The following GATAD2A variants were observed in gnomAD, a reference collection of about 807,000 sequenced individuals.
The protein encoded by GATAD2A is transcriptional repressor p66-alpha.
GATAD2A carries 12 observed loss-of-function variants against 68.5 expected under a neutral mutation model. The ratio of observed to expected loss-of-function variants is 0.18; its 90% confidence interval spans 0.11 to 0.28. GATAD2A has a LOEUF of 0.28. GATAD2A is among the 10% of genes least tolerant of loss of function. The pLI is 1.00. For synonymous variants in GATAD2A, 410 were observed against 375.3 expected (o/e 1.09, Z -1.07); for missense variants, 755 against 868.5 (o/e 0.87, Z 1.64).
intron 7 of GATAD2A, 145 bp from the exon 8 acceptor site, chr19:19,498,295 TATC>T (rs1197553894): frequency 2.9e-6 from 2 of 688,974 alleles, no homozygotes; most frequent in Non-Finnish European, 4.8e-6. Context: ...GAGAGCCTGT[TATC>T]ATGGCTGGGT....
rs564820742 is a variant in GATAD2A at position 19,495,707 on chromosome 19, T to TG, written c.625-40dup. On this transcript the variant is annotated intron_variant, in intron 5 of 11. Transcript: ENST00000683918. ...AAAACTGCTTGCTTTAAAAAAAGTG[T>TG]GGGGGGGTCCGGTCCATGTAAATCT... 539 of 1,527,290 alleles carry TG rather than the reference T, an allele frequency of 3.5e-4. 2 individuals carry two copies. The highest frequency in any genetic ancestry group is 1.0e-3 in the South Asian group (84 of 81,226). 94.6% of individuals were successfully genotyped at this position (1,527,290 alleles called of 1,614,324 possible).
chr19:19,473,183 C>T (rs912359194), intron 2 of GATAD2A, among the ~76,000 whole-genome samples: 1 of 152,186 alleles, frequency 6.6e-6, no homozygotes, highest in African/African-American at 2.4e-5. Context: ...TCTTCCCCAC[C>T]TCCCCTTGTA....
intron 1 of GATAD2A, among the ~76,000 whole-genome samples, chr19:19,421,361 C>T (rs1184284792): frequency 6.6e-6 from 1 of 152,100 alleles, no homozygotes; most frequent in Admixed American, 6.5e-5. Flanking sequence ...GGCCCTGCCC[C>T]TCCTCACCCC....
chr19:19,472,236 T>A (rs560765760), intron 2 of GATAD2A, among the ~76,000 whole-genome samples: 6 of 152,272 alleles, frequency 3.9e-5, no homozygotes, highest in Admixed American at 6.5e-5. Flanking sequence ...GCAGATCCAG[T>A]CCTGCACTTT....
At position 19,389,851 on chromosome 19, in the gene GATAD2A, C is replaced by T. The variant is rs113749318; in HGVS notation, c.-7+3713C>T. ...GATCTCGGCTCACTGCAACCTCTGC[C>T]CTACTGGCTCACGTGATCCTCCCAC... is the stretch of plus-strand genomic sequence containing the variant. On this transcript the variant is annotated intron_variant, in intron 1 of 11. Coordinates refer to the GATAD2A transcript ENST00000360315. 7.5e-3 allele frequency among the ~76,000 whole-genome samples: 1,142 copies of T among 152,208 alleles called. 16 individuals carry two copies. Among genetic ancestry groups the T allele is most frequent in the African/African-American group, 0.025 (1,052 of 41,520 alleles).
At chr19:19,440,221 G>A (rs925584360) in intron 1 of GATAD2A, 4 of 298,436 alleles carry the variant, frequency 1.3e-5, no homozygotes, top group African/African-American at 7.0e-5. Flanking sequence ...TCTAAGGAAA[G>A]GTGGGGGGAT....
At chr19:19,445,731 A>G (rs943471120) in intron 1 of GATAD2A, among the ~76,000 whole-genome samples, 2 of 152,202 alleles carry the variant, frequency 1.3e-5, no homozygotes, top group African/African-American at 2.4e-5. Context: ...AAGTTCAGTC[A>G]CATTGTGTCA....
Position 19,506,054 on chromosome 19 carries a change from A to C in GATAD2A, c.*580A>C. On this transcript the variant is annotated 3_prime_UTR_variant, in exon 12 of 12. Coordinates refer to ENST00000683918, the MANE Select transcript of GATAD2A (RefSeq NM_001384528.1). Reference sequence around the variant, plus strand: ...CCCTGGGGTCCCTGTTGTACGCTGCATCATCCCGCTGGCCCTGTGCCCTGG... The same window carrying C: ...CCCTGGGGTCCCTGTTGTACGCTGCCTCATCCCGCTGGCCCTGTGCCCTGG... 3 of 398,710 alleles carry C rather than the reference A, an allele frequency of 7.5e-6. No individual in the cohort carries two copies. The highest frequency in any genetic ancestry group is 1.3e-5 in the Non-Finnish European group (3 of 226,018). 24.7% of individuals were successfully genotyped at this position (398,710 alleles called of 1,614,324 possible).
At chr19:19,391,516 T>C (rs2048843950) in intron 1 of GATAD2A, among the ~76,000 whole-genome samples, 1 of 152,180 alleles carries the variant, frequency 6.6e-6, no homozygotes, top group Admixed American at 6.5e-5. Flanking sequence ...GTAAACAACT[T>C]TAAAGGGATC....
chr19:19,451,202 CT>C (rs1204382017), intron 1 of GATAD2A, among the ~76,000 whole-genome samples: 3 of 151,462 alleles, frequency 2.0e-5, no homozygotes, highest in African/African-American at 7.3e-5. Flanking sequence ...GTGAAACCCC[CT>C]CTCTAGTAAA....
intron 1 of GATAD2A, among the ~76,000 whole-genome samples, chr19:19,460,081 A>G (rs144123609): frequency 4.2e-4 from 64 of 152,316 alleles, no homozygotes; most frequent in African/African-American, 1.3e-3. Flanking sequence ...GGCTCTGCCA[A>G]TGCCAAAACT....
chr19:19,477,107 A>AG (rs2058724360), intron 2 of GATAD2A, among the ~76,000 whole-genome samples: 1 of 152,190 alleles, frequency 6.6e-6, no homozygotes, highest in Non-Finnish European at 1.5e-5. Context: ...AGAGGAAGGC[A>AG]GGGTAACGCC....
intron 2 of GATAD2A, among the ~76,000 whole-genome samples, chr19:19,490,938 T>C (rs578206817): frequency 6.0e-4 from 91 of 152,282 alleles, no homozygotes; most frequent in African/African-American, 2.0e-3. Flanking sequence ...CAGTTTGCCT[T>C]GTGCCGTCAG....
At chr19:19,421,003 C>T (rs941149173) in intron 1 of GATAD2A, among the ~76,000 whole-genome samples, 11 of 152,280 alleles carry the variant, frequency 7.2e-5, no homozygotes, top group East Asian at 1.9e-4. Context: ...TTCAGAAGTG[C>T]GCTTTTCTCT....
At position 19,459,883 on chromosome 19, in the gene GATAD2A, T is replaced by A. The variant is rs150605930; in HGVS notation, c.-6-5457T>A. Among the ~76,000 whole-genome samples the A allele has an allele frequency of 1.7e-4, 26 of 152,332 alleles. No homozygotes were observed. In the East Asian group the frequency reaches 4.4e-3, roughly 26 times the overall value. On this transcript the variant is annotated intron_variant, in intron 1 of 11. Coordinates refer to ENST00000683918, the MANE Select transcript of GATAD2A (RefSeq NM_001384528.1). Reference sequence around the variant, plus strand: ...TCTGTCTCTCAAGTTAAGTTGTATCTCTCGTACTTGGCCTTAATGAAGTTT... The same window carrying A: ...TCTGTCTCTCAAGTTAAGTTGTATCACTCGTACTTGGCCTTAATGAAGTTT...
At chr19:19,498,169 CTA>C (rs1413312176) in intron 7 of GATAD2A, among the ~76,000 whole-genome samples, 6 of 152,236 alleles carry the variant, frequency 3.9e-5, no homozygotes, top group African/African-American at 1.4e-4. Context: ...GCACAGCAAA[CTA>C]TAGATTTTAA....
At chr19:19,477,225 G>T (rs2058731737) in intron 2 of GATAD2A, among the ~76,000 whole-genome samples, 1 of 152,182 alleles carries the variant, frequency 6.6e-6, no homozygotes, top group African/African-American at 2.4e-5. Flanking sequence ...GGGAGGGGAC[G>T]TCTGATGGGT....
chr19:19,439,151 C>G (rs907221767), intron 1 of GATAD2A, among the ~76,000 whole-genome samples: 1 of 152,250 alleles, frequency 6.6e-6, no homozygotes. Context: ...GGCACACAGT[C>G]TACACACAAC....
intron 1 of GATAD2A, among the ~76,000 whole-genome samples, chr19:19,411,519 G>C (rs749761667): frequency 6.6e-6 from 1 of 152,218 alleles, no homozygotes; most frequent in Non-Finnish European, 1.5e-5. Context: ...AGTGGTGTCT[G>C]GGAGCGCCAG....
Sources: allele counts gnomAD v4.1 joint callset (sites outside exome capture counted in the v4.1 genomes callset), GRCh38; gene constraint gnomAD v4.1.1; transcripts MANE v1.5; gene names NCBI Gene and HGNC (gene_info 2026-07-23, HGNC 2026-07-21).